DUSP18: variants seen among roughly 807,000 people sequenced by gnomAD.
DUSP18 encodes dual specificity phosphatase 18.
In DUSP18, 4 loss-of-function variants were observed where a neutral mutation model predicts 6.3. The observed-to-expected ratio is 0.63, with a 90% CI of 0.31 to 1.45. The LOEUF is 1.45. Ranked by LOEUF, DUSP18 falls within the 40% of genes most tolerant of loss-of-function variation. The probability of loss-of-function intolerance (pLI) is 0.07; values close to 1 mark genes in which losing one functional copy is unlikely to be tolerated. For missense variants in DUSP18, 235 were observed against 247.7 expected, an observed-to-expected ratio of 0.95 and a Z score of 0.34; for synonymous variants, 96 against 95.1, an observed-to-expected ratio of 1.01 and a Z score of -0.05.
chr22:30,653,357 G>A (rs752893502), intron 2 of DUSP18, among the ~76,000 whole-genome samples: 1 of 151,170 alleles, frequency 6.6e-6, no homozygotes, highest in Non-Finnish European at 1.5e-5. Context: ...CAACCCTCAT[G>A]TGCCCCCTTC....
intron 2 of DUSP18, among the ~76,000 whole-genome samples, chr22:30,655,140 G>A (rs2088309011): frequency 6.6e-6 from 1 of 152,036 alleles, no homozygotes; most frequent in African/African-American, 2.4e-5. Context: ...GTCTGGCCCA[G>A]GGTTGTAGGG....
chr22:30,667,211 C>G (rs944069424), intron 1 of DUSP18: 1 of 152,100 alleles, frequency 6.6e-6, no homozygotes, highest in Non-Finnish European at 1.5e-5. Flanking sequence ...TGAGACACAG[C>G]GCGGAAAAGG....
chr22:30,665,780 C>A (rs1226420744), intron 1 of DUSP18, among the ~76,000 whole-genome samples: 1 of 152,194 alleles, frequency 6.6e-6, no homozygotes, highest in Non-Finnish European at 1.5e-5. Context: ...CACTCTATCA[C>A]CAACTAGTGC....
At chr22:30,654,464 G>T in intron 2 of DUSP18, 1 of 435,138 alleles carries the variant, frequency 2.3e-6, no homozygotes, top group Non-Finnish European at 4.6e-6. Flanking sequence ...ACCACCACCT[G>T]CTTTTTCGTC....
chr22:30,659,506 T>C (rs2088416854), downstream of DUSP18, among the ~76,000 whole-genome samples: 1 of 152,112 alleles, frequency 6.6e-6, no homozygotes, highest in South Asian at 2.1e-4. Flanking sequence ...CCCGGGTAGC[T>C]GTGATTACAG....
At chr22:30,665,564 C>T (rs1474783192) in intron 1 of DUSP18, 1 of 470,822 alleles carries the variant, frequency 2.1e-6, no homozygotes, top group South Asian at 1.6e-5. Context: ...TTAAAGGTAA[C>T]TGTTTTAAGG....
chr22:30,664,117 C>T (rs2088571254), intron 1 of DUSP18, 37 bp from the exon 2 acceptor site: 1 of 976,132 alleles, frequency 1.0e-6, no homozygotes, highest in Non-Finnish European at 1.5e-6. Flanking sequence ...GGGCAGGTGC[C>T]CAGAGGGCCA....
intron 1 of DUSP18, chr22:30,665,518 G>A (rs1043518935): frequency 2.1e-6 from 1 of 470,910 alleles, no homozygotes; most frequent in Non-Finnish European, 4.4e-6. Flanking sequence ...ATTCAGCAGA[G>A]GACTGCAGAA....
Position 30,663,324 on chromosome 22 carries a change from A to ATCATC in DUSP18, c.*108_*112dup, listed in dbSNP as rs2088533451. 2.8e-6 allele frequency: 3 copies of ATCATC among 1,060,686 alleles called. No homozygotes were observed. Among genetic ancestry groups the ATCATC allele is most frequent in the Admixed American group, 5.4e-5 (2 of 37,360 alleles). 65.7% of individuals were successfully genotyped at this position (1,060,686 alleles called of 1,614,324 possible). A position where few individuals can be genotyped will look rare whatever the true frequency, so the allele number is the denominator to read the frequency against. ...ACTCTTTTTTGTGCTCATAAAAGGCATCATCTGTTTTTTTCTGTATCAACA... is the reference window on the plus strand; with the variant it reads ...ACTCTTTTTTGTGCTCATAAAAGGCATCATCTCATCTGTTTTTTTCTGTATCAACA... On this transcript the variant is annotated 3_prime_UTR_variant, in exon 2 of 2. Transcript: ENST00000334679.
chr22:30,661,199 C>T (rs1215090691), downstream of DUSP18, among the ~76,000 whole-genome samples: 1 of 151,890 alleles, frequency 6.6e-6, no homozygotes, highest in Non-Finnish European at 1.5e-5. Flanking sequence ...ACAATAGCCA[C>T]CCCCCCGCCA....
intron 1 of DUSP18, among the ~76,000 whole-genome samples, chr22:30,664,580 C>G (rs1010469075): frequency 6.6e-6 from 1 of 152,218 alleles, no homozygotes; most frequent in Non-Finnish European, 1.5e-5. Context: ...ATCATAAGGT[C>G]CTGAGCCAGT....
downstream of DUSP18, among the ~76,000 whole-genome samples, chr22:30,659,073 G>A (rs1250801200): frequency 2.0e-5 from 3 of 149,530 alleles, no homozygotes; most frequent in African/African-American, 7.5e-5. Context: ...GCAGTGAGCT[G>A]GGATTGCGCC....
intron 1 of DUSP18, 61 bp downstream of exon 1, chr22:30,667,401 G>A (rs2088714705): frequency 6.6e-6 from 1 of 152,194 alleles, no homozygotes; most frequent in African/African-American, 2.4e-5. Flanking sequence ...GGTTTCCTAG[G>A]GGAGCTGGCA....
intron 1 of DUSP18, chr22:30,665,152 C>T (rs376066047): frequency 8.3e-5 from 14 of 168,730 alleles, no homozygotes; most frequent in South Asian, 2.8e-4. Context: ...TTATACATTC[C>T]GCTGAAATAG....
chr22:30,657,325 G>A (rs758232014), downstream of DUSP18, among the ~76,000 whole-genome samples: 26 of 151,116 alleles, frequency 1.7e-4, no homozygotes, highest in Non-Finnish European at 3.1e-4. Flanking sequence ...CGGGCGTGGG[G>A]GCGGGCACCT....
At chr22:30,654,524 T>A in intron 2 of DUSP18, 1 of 430,706 alleles carries the variant, frequency 2.3e-6, no homozygotes, top group South Asian at 1.7e-5. Flanking sequence ...TTGGGCGGCC[T>A]GGCTTCCTTG....
chr22:30,666,009 G>A (rs1311738008), intron 1 of DUSP18, among the ~76,000 whole-genome samples: 1 of 152,164 alleles, frequency 6.6e-6, no homozygotes, highest in African/African-American at 2.4e-5. Context: ...AATCCTACCT[G>A]CCAATGCCCC....
chr22:30,652,322 C>T (rs923758790), intron 2 of DUSP18: 7 of 152,180 alleles, frequency 4.6e-5, no homozygotes, highest in African/African-American at 1.7e-4. Flanking sequence ...AAGCACTGAT[C>T]TTAGGAGCAG....
At chr22:30,655,252 T>C (rs2088311594) in intron 2 of DUSP18, among the ~76,000 whole-genome samples, 1 of 148,660 alleles carries the variant, frequency 6.7e-6, no homozygotes, top group African/African-American at 2.5e-5. Flanking sequence ...GCCCAGGAGT[T>C]CCAGACCCAT....
Sources: gnomAD v4.1 joint callset for allele counts (sites outside exome capture counted in the v4.1 genomes callset) on GRCh38, gnomAD v4.1.1 for gene constraint, MANE v1.5 for transcripts, NCBI Gene and HGNC (gene_info 2026-07-23, HGNC 2026-07-21) for gene names.